Variants in COPS7A observed in about 807,000 individuals in gnomAD.
COPS7A encodes COP9 signalosome complex subunit 7a.
A neutral mutation model predicts 35.2 loss-of-function variants in COPS7A; 20 were observed. That is an observed-to-expected ratio of 0.57 (90% CI 0.40 to 0.83). COPS7A has a LOEUF of 0.83. Ranked by LOEUF, COPS7A falls within the 40% of genes least tolerant of loss-of-function variation. The pLI, the probability that COPS7A is intolerant of heterozygous loss-of-function variation, is 0.00. For synonymous variants in COPS7A, 139 were observed against 141.4 expected (o/e 0.98, Z 0.12); for missense variants, 247 against 347.5 (o/e 0.71, Z 2.30).
intron 2 of COPS7A, 64 bp from the exon 3 acceptor site, chr12:6,727,860 CAG>C: frequency 6.6e-7 from 1 of 1,505,136 alleles, no homozygotes; most frequent in Non-Finnish European, 9.2e-7. Context: ...GAGTTCCAAA[CAG>C]GGTAAGGCTG....
chr12:6,725,721 C>T (rs1485842895), intron 2 of COPS7A: 3 of 455,996 alleles, frequency 6.6e-6, no homozygotes, highest in Non-Finnish European at 1.3e-5. Context: ...AATTTACAAT[C>T]AGAGGAGGCA....
intron 2 of COPS7A, among the ~76,000 whole-genome samples, chr12:6,726,926 C>T (rs989120662): frequency 3.9e-5 from 6 of 152,156 alleles, no homozygotes; most frequent in African/African-American, 7.2e-5. Flanking sequence ...ATTTATTTAG[C>T]AAGTATTTCT....
In COPS7A at chr12:6,729,335, A is replaced by G; in HGVS notation, c.416A>G (p.Asp139Gly). 1 of 1,614,138 alleles carries G rather than the reference A, an allele frequency of 6.2e-7. No individual in the cohort carries two copies. The highest frequency in any genetic ancestry group is 8.5e-7 in the Non-Finnish European group (1 of 1,180,024). ...CTTGTGATTGAGGCTGTGTATGCTG[A>G]CGTGCTTCGTGGCTCCCTGGACCAG... ...EDLVIEAVYA[D>G]VLRGSLDQRN... The change falls in exon 5 of 8, where the codon GAC becomes GGC. Residue 139 changes from aspartate (D) to glycine (G), a missense_variant. Physicochemically the swap from Asp to Gly is moderately conservative, Grantham distance 94. Coordinates refer to ENST00000543155, the MANE Select transcript of COPS7A (RefSeq NM_001164094.2). This position sits in a 1 kb window ranked among gnomAD's most constrained non-coding sequence, Gnocchi z 4.2.
rs1396031595 is a variant in COPS7A at position 6,728,273 on chromosome 12, C to T, written c.289C>T (p.Arg97Ter). 6 of 1,613,966 alleles carry T rather than the reference C, an allele frequency of 3.7e-6. No homozygotes were observed. The highest frequency in any genetic ancestry group is 4.2e-6 in the Non-Finnish European group (5 of 1,180,018). Residue 97 changes from arginine (R) to a stop codon, truncating the protein, a stop_gained, in exon 4 of 8, where the codon CGA becomes TGA. Coordinates refer to ENST00000543155, the MANE Select transcript of COPS7A (RefSeq NM_001164094.2). LOFTEE classifies it high-confidence loss of function. ...AACAGAGGCTCAGAAGAATAAGCTT[C>T]GACACCTCTCAGTTGTCACCCTGGC... ...PLTEAQKNKL[R>*]HLSVVTLAAK...
rs1295860083 is a variant in COPS7A, at chr12:6,728,907, A to G, written c.328-340A>G. 9.9e-5 allele frequency: 35 copies of G among 351,786 alleles called. 1 individual carries two copies. The highest frequency in any genetic ancestry group is 1.6e-5 in the Non-Finnish European group (3 of 184,820). 21.8% of individuals were successfully genotyped at this position (351,786 alleles called of 1,614,324 possible). A position where few individuals can be genotyped will look rare whatever the true frequency, so the allele number is the denominator to read the frequency against. ...CTCCCACTTCTGCTTACTCCCCTGT[A>G]TCAAGCTGATCTTGACTAAGGACTG... On this transcript the variant is annotated intron_variant, in intron 4 of 7. Transcript: ENST00000543155.
Position 6,731,129 on chromosome 12 carries a change from CA to C in COPS7A, c.*91del. On this transcript the variant is annotated 3_prime_UTR_variant, in exon 8 of 8. Coordinates refer to ENST00000543155, the MANE Select transcript of COPS7A (RefSeq NM_001164094.2). The stretch of plus-strand genomic sequence containing the variant: ...TCAGAGAGCCTTCTGTGCCCCTGGC[CA>C]GCTGATAATCCTAGGTTCATGACCC... The C allele has an allele frequency of 6.2e-7, 1 of 1,612,182 alleles. No homozygotes were observed. Among genetic ancestry groups the C allele is most frequent in the Non-Finnish European group, 8.5e-7 (1 of 1,179,240 alleles).
chr12:6,729,340 C>G lies in COPS7A; in HGVS notation c.421C>G (p.Leu141Val), dbSNP rs1941335141. The change falls in exon 5 of 8, where the codon CTT (leucine) becomes GTT (valine). Residue 141 changes from leucine (L) to valine (V), a missense_variant. Leu to Val is a conservative substitution (Grantham distance 32). Coordinates refer to ENST00000543155, the MANE Select transcript of COPS7A (RefSeq NM_001164094.2). The surrounding 1 kb of genome is among the most constrained non-coding windows in gnomAD (Gnocchi z 4.2). ...LVIEAVYADV[L>V]RGSLDQRNQR... The stretch of plus-strand genomic sequence containing the variant: ...GATTGAGGCTGTGTATGCTGACGTG[C>G]TTCGTGGCTCCCTGGACCAGCGCAA... The G allele has an allele frequency of 2.5e-6, 4 of 1,614,158 alleles. No individual in the cohort carries two copies. Among genetic ancestry groups the G allele is most frequent in the Non-Finnish European group, 1.7e-6 (2 of 1,180,038 alleles).
intron 2 of COPS7A, chr12:6,725,570 G>A: frequency 2.2e-6 from 1 of 453,648 alleles, no homozygotes; most frequent in Non-Finnish European, 4.4e-6. Context: ...TGTTAAATTA[G>A]CATGCCCTTT....
intron 2 of COPS7A, 120 bp from the exon 3 acceptor site, chr12:6,727,806 C>G (rs1941295004): frequency 1.2e-6 from 1 of 856,504 alleles, no homozygotes; most frequent in Admixed American, 1.9e-5. Context: ...TTTTGGTGAG[C>G]CAGGAGAGTT....
At chr12:6,727,336 CAAAAAAAAAAA>C (rs11411867) in intron 2 of COPS7A, among the ~76,000 whole-genome samples, 40 of 88,046 alleles carry the variant, frequency 4.5e-4, no homozygotes, top group Non-Finnish European at 6.4e-4. Flanking sequence ...GACTCTGTCT[CAAAAAAAAAAA>C]AAAAAAAAAG....
intron 5 of COPS7A, among the ~76,000 whole-genome samples, chr12:6,730,007 G>T (rs531695097): frequency 8.5e-5 from 13 of 152,076 alleles, no homozygotes; most frequent in African/African-American, 3.1e-4. Context: ...CCTGGTGAGG[G>T]TTCCCAACTC....
chr12:6,729,530 G>A lies in COPS7A; in HGVS notation c.530+81G>A. On this transcript the variant is annotated intron_variant, in intron 5 of 7. Transcript: ENST00000543155. The surrounding 1 kb of genome is among the most constrained non-coding windows in gnomAD (Gnocchi z 4.2). ...TTCAGGGTGAGAGAGGGCAGGAGCT[G>A]GGCTGGTCCGCAGAGGTGGAACCCA... is the stretch of plus-strand genomic sequence containing the variant. 1 of 1,432,398 alleles carries A rather than the reference G, an allele frequency of 7.0e-7. No homozygotes were observed. The highest frequency in any genetic ancestry group is 9.5e-7 in the Non-Finnish European group (1 of 1,051,430). 88.7% of individuals were successfully genotyped at this position (1,432,398 alleles called of 1,614,324 possible). A position where few individuals can be genotyped will look rare whatever the true frequency, so the allele number is the denominator to read the frequency against.
Position 6,730,647 on chromosome 12 carries a change from C to T in COPS7A, c.637-22C>T, listed in dbSNP as rs374957064. ...AGGTTCTGGAACCTTCCTTGCTATC[C>T]CCATTCCTTTCATCCTGGTAGGTTG... On this transcript the variant is annotated intron_variant, in intron 6 of 7. Transcript: ENST00000543155. 40 of 1,613,808 alleles carry T rather than the reference C, an allele frequency of 2.5e-5. No individual in the cohort carries two copies. The African/African-American group carries it at 4.5e-4, about 18-fold the overall frequency.
rs1262432713 is a variant in COPS7A, at chr12:6,724,632, C to T, written c.-25C>T. The T allele has an allele frequency of 6.2e-7, 1 of 1,613,742 alleles. No homozygotes were observed. The highest frequency in any genetic ancestry group is 8.5e-7 in the Non-Finnish European group (1 of 1,179,908). ...CTTGCAGCTCTGGACATCCTGAGCCCAAGTCCCCCACACTCAGTGCAGTGA... is the reference window on the plus strand; with the variant it reads ...CTTGCAGCTCTGGACATCCTGAGCCTAAGTCCCCCACACTCAGTGCAGTGA... On this transcript the variant is annotated 5_prime_UTR_variant, in exon 2 of 8. Transcript: ENST00000543155.
At position 6,730,504 on chromosome 12, in the gene COPS7A, T is replaced by G. The variant is rs1592473327; in HGVS notation, c.633T>G (p.Ser211Arg). ...TGGGCCTGAAGCAGCAGATTGAGAGTGAGGTGAGCAGTCAGGGGAGCAGGC... is the reference window on the plus strand; with the variant it reads ...TGGGCCTGAAGCAGCAGATTGAGAGGGAGGTGAGCAGTCAGGGGAGCAGGC... ...QQLGLKQQIE[S>R]EVANLKKTIK... Residue 211 changes from serine (S) to arginine (R), a missense_variant, in exon 6 of 8, where the codon AGT (serine) becomes AGG (arginine). By Grantham distance (110) the Ser-to-Arg change is moderately radical (BLOSUM62 -1). Transcript: ENST00000543155. 6.2e-7 allele frequency: 1 copy of G among 1,613,492 alleles called. No homozygotes were observed. The highest frequency in any genetic ancestry group is 1.1e-5 in the South Asian group (1 of 91,050).
At position 6,724,489 on chromosome 12, in the gene COPS7A, C is replaced by G. The variant is rs1941199203; in HGVS notation, c.-43-125C>G. On this transcript the variant is annotated intron_variant, in intron 1 of 7. Coordinates refer to ENST00000543155, the MANE Select transcript of COPS7A (RefSeq NM_001164094.2). ...GGATTCCTAGATCAGAATTTTAGAC[C>G]GCTCCATGTCTGATTCCTCACCGCA... is the stretch of plus-strand genomic sequence containing the variant. 4 of 798,268 alleles carry G rather than the reference C, an allele frequency of 5.0e-6. No homozygotes were observed. In the East Asian group the frequency reaches 9.9e-5, roughly 20 times the overall value. 49.4% of individuals were successfully genotyped at this position (798,268 alleles called of 1,614,324 possible). A position where few individuals can be genotyped will look rare whatever the true frequency, so the allele number is the denominator to read the frequency against.
chr12:6,731,240 T>A lies in COPS7A; in HGVS notation c.*201T>A. 6.8e-7 allele frequency: 1 copy of A among 1,464,628 alleles called. No individual in the cohort carries two copies. The highest frequency in any genetic ancestry group is 9.0e-7 in the Non-Finnish European group (1 of 1,109,638). 90.7% of individuals were successfully genotyped at this position (1,464,628 alleles called of 1,614,324 possible). ...GTCATGTTTTTGTTGGTACTTTCTG[T>A]TTTTTGTGACTTCATGTGTTCCATT... is the stretch of plus-strand genomic sequence containing the variant. On this transcript the variant is annotated 3_prime_UTR_variant, in exon 8 of 8. Transcript: ENST00000543155.
intron 1 of COPS7A, 181 bp from the exon 2 acceptor site, chr12:6,724,433 G>A (rs545443933): frequency 7.8e-5 from 46 of 589,380 alleles, no homozygotes; most frequent in African/African-American, 7.8e-4. Context: ...GAGGGGGTGG[G>A]TGTGGCAGCC....
chr12:6,730,267 T>G, intron 5 of COPS7A, 135 bp from the exon 6 acceptor site: 1 of 750,814 alleles, frequency 1.3e-6, no homozygotes, highest in Non-Finnish European at 2.3e-6. Context: ...TTCGCCCATC[T>G]TGGCCTCCCA....
Sources: gnomAD v4.1 joint callset for allele counts (sites outside exome capture counted in the v4.1 genomes callset) on GRCh38, gnomAD v4.1.1 for gene constraint, Gnocchi (gnomAD v3.1) non-coding constraint, MANE v1.5 for transcripts, NCBI Gene and HGNC (gene_info 2026-07-23, HGNC 2026-07-21) for gene names.